The following TMTC2 variants were observed in gnomAD, a reference collection of about 807,000 sequenced individuals.
The protein encoded by TMTC2 is transmembrane O-mannosyltransferase targeting cadherins 2.
In TMTC2, 43 loss-of-function variants were observed where a neutral mutation model predicts 82.4. The ratio of observed to expected loss-of-function variants is 0.52; its 90% CI spans 0.41 to 0.67. The LOEUF (loss-of-function observed/expected upper bound fraction) is 0.67. Among genes scored for constraint, TMTC2 ranks in the 30% least tolerant of loss-of-function variants. TMTC2 has a pLI of 0.00. For missense variants in TMTC2, 919 were observed against 1,012.4 expected (o/e 0.91, Z 1.25); for synonymous variants, 408 against 381.9 (o/e 1.07, Z -0.80).
At chr12:82,913,333 T>A (rs1034650750) in intron 3 of TMTC2, among the ~76,000 whole-genome samples, 2 of 152,178 alleles carry the variant, frequency 1.3e-5, no homozygotes, top group African/African-American at 4.8e-5. Context: ...CATCATACTT[T>A]GGTTTTGGCT....
At chr12:83,031,316 A>T (rs566120865) in intron 9 of TMTC2, among the ~76,000 whole-genome samples, 1 of 152,308 alleles carries the variant, frequency 6.6e-6, no homozygotes, top group East Asian at 1.9e-4. Flanking sequence ...GAAGATATGG[A>T]TGTACACTAG....
intron 11 of TMTC2, among the ~76,000 whole-genome samples, chr12:83,102,764 GAGTA>G (rs1237026194): frequency 6.6e-6 from 1 of 152,138 alleles, no homozygotes; most frequent in African/African-American, 2.4e-5. Flanking sequence ...AACATTTTGA[GAGTA>G]AGACCTATTT....
At chr12:83,040,535 G>A (rs12315590) in intron 9 of TMTC2, among the ~76,000 whole-genome samples, 23,773 of 152,074 alleles carry the variant, frequency 0.16, 2,849 homozygotes, top group East Asian at 0.33. Flanking sequence ...CAGTGAGATT[G>A]TACAGATGTG....
At chr12:82,811,905 C>T (rs916816096) in intron 1 of TMTC2, among the ~76,000 whole-genome samples, 2 of 149,312 alleles carry the variant, frequency 1.3e-5, no homozygotes, top group Non-Finnish European at 3.0e-5. Flanking sequence ...GCAACCTCAC[C>T]TCCTGGGTTC....
intron 4 of TMTC2, among the ~76,000 whole-genome samples, chr12:82,944,472 G>A (rs1483371160): frequency 2.0e-5 from 3 of 150,390 alleles, no homozygotes; most frequent in African/African-American, 4.9e-5. Flanking sequence ...TAGTCCCAGC[G>A]ACTCCCAGGC....
intron 7 of TMTC2, among the ~76,000 whole-genome samples, 193 bp from the exon 8 acceptor site, chr12:82,985,732 A>T (rs1178513099): frequency 6.6e-6 from 1 of 152,208 alleles, no homozygotes. Context: ...TCATTTTCCA[A>T]ACACATGATT....
chr12:83,035,351 G>A (rs927789775), intron 9 of TMTC2, among the ~76,000 whole-genome samples: 4 of 152,142 alleles, frequency 2.6e-5, no homozygotes, highest in Admixed American at 1.3e-4. Flanking sequence ...AAGCAAGCTA[G>A]GCAGGTTTAT....
chr12:82,955,182 A>T (rs1877548673), intron 4 of TMTC2, among the ~76,000 whole-genome samples: 1 of 152,156 alleles, frequency 6.6e-6, no homozygotes, highest in Non-Finnish European at 1.5e-5. Flanking sequence ...GCATTCCTGG[A>T]CTCTACCCAC....
At chr12:83,014,731 T>C (rs1229822548) in intron 8 of TMTC2, among the ~76,000 whole-genome samples, 1 of 1,870 alleles carries the variant, frequency 5.3e-4, no homozygotes, top group African/African-American at 1.2e-3. Context: ...AGAAGAGAAC[T>C]TTTTTTTTTT....
intron 9 of TMTC2, among the ~76,000 whole-genome samples, chr12:83,042,417 A>G (rs1417710553): frequency 6.6e-6 from 1 of 152,164 alleles, no homozygotes; most frequent in African/African-American, 2.4e-5. Context: ...GTCTAGTTGC[A>G]TCCTTCTCTT....
intron 3 of TMTC2, among the ~76,000 whole-genome samples, chr12:82,897,101 G>A (rs1035063102): frequency 7.2e-5 from 11 of 152,298 alleles, no homozygotes; most frequent in Admixed American, 5.2e-4. Context: ...AAGATTTGGA[G>A]ATTTCACTGC....
At chr12:82,741,596 A>G (rs11115374) in intron 1 of TMTC2, among the ~76,000 whole-genome samples, 15,268 of 152,290 alleles carry the variant, frequency 0.1, 967 homozygotes, top group Middle Eastern at 0.22. Flanking sequence ...GGCGTGAGCC[A>G]CCACACGCAG....
chr12:82,983,890 T>G (rs1050006699), intron 7 of TMTC2, among the ~76,000 whole-genome samples: 1 of 152,026 alleles, frequency 6.6e-6, no homozygotes, highest in African/African-American at 2.4e-5. Flanking sequence ...AAATTATATA[T>G]AGTGTTTTAA....
chr12:83,079,751 A>C (rs1270303561), intron 11 of TMTC2, among the ~76,000 whole-genome samples: 1 of 152,152 alleles, frequency 6.6e-6, no homozygotes, highest in Non-Finnish European at 1.5e-5. Flanking sequence ...TTTAAAATGC[A>C]TTTCTGTAGG....
At chr12:82,780,942 T>G (rs1249586808) in intron 1 of TMTC2, among the ~76,000 whole-genome samples, 1 of 152,104 alleles carries the variant, frequency 6.6e-6, no homozygotes, top group East Asian at 1.9e-4. Flanking sequence ...ACTTTTTATT[T>G]TAGAAAGCAG....
Position 82,896,296 on chromosome 12 carries a change from A to T in TMTC2, c.1133A>T (p.Lys378Ile), listed in dbSNP as rs765178346. The T allele has an allele frequency of 8.7e-6, 14 of 1,614,050 alleles. No individual in the cohort carries two copies. The highest frequency in any genetic ancestry group is 1.6e-4 in the Middle Eastern group (1 of 6,084). ...GCATCCAAAGTAGAAAATGGCATTAAAAACGATGTATCACAGAGAACCCAG... is the reference window on the plus strand; with the variant it reads ...GCATCCAAAGTAGAAAATGGCATTATAAACGATGTATCACAGAGAACCCAG... Reference protein sequence around the residue: ...SFASKVENGIKNDVSQRTQLP... With the variant: ...SFASKVENGIINDVSQRTQLP... Residue 378 changes from lysine to isoleucine, a missense_variant, in exon 3 of 12, where the codon AAA becomes ATA. Lys to Ile is a moderately radical substitution (Grantham distance 102). Coordinates refer to ENST00000321196, the MANE Select transcript of TMTC2 (RefSeq NM_152588.3).
At chr12:83,123,532 T>C (rs941610983) in intron 11 of TMTC2, among the ~76,000 whole-genome samples, 5 of 152,218 alleles carry the variant, frequency 3.3e-5, no homozygotes, top group African/African-American at 1.2e-4. Context: ...CTTATGGGGT[T>C]TTGTTTTATG....
intron 7 of TMTC2, among the ~76,000 whole-genome samples, chr12:82,978,269 A>G (rs2137324121): frequency 6.6e-6 from 1 of 151,912 alleles, no homozygotes; most frequent in South Asian, 2.1e-4. Context: ...ATGAATGTAT[A>G]TAAATATCTG....
chr12:82,735,447 G>A (rs1369616721), intron 1 of TMTC2, among the ~76,000 whole-genome samples: 3 of 151,296 alleles, frequency 2.0e-5, no homozygotes, highest in Non-Finnish European at 2.9e-5. Context: ...CCAGGTTCAT[G>A]CCATTCTCCT....
Sources: gnomAD v4.1 joint callset for allele counts (sites outside exome capture counted in the v4.1 genomes callset) on GRCh38, gnomAD v4.1.1 for gene constraint, MANE v1.5 for transcripts, NCBI Gene and HGNC (gene_info 2026-07-23, HGNC 2026-07-21) for gene names.